The following CAMKMT variants were observed in gnomAD, a reference collection of about 807,000 sequenced individuals.
CAMKMT encodes CaM KMT.
Under a neutral mutation model 48.0 loss-of-function variants are expected in CAMKMT, and 53 were observed. The ratio of observed to expected loss-of-function variants is 1.10; its 90% CI spans 0.89 to 1.39. CAMKMT has a LOEUF of 1.39. CAMKMT is among the 40% of genes most tolerant of loss of function. The pLI, the probability that CAMKMT is intolerant of heterozygous loss-of-function variation, is 0.00. For missense variants in CAMKMT, 428 were observed against 402.7 expected (o/e 1.06, Z -0.54); for synonymous variants, 165 against 152.3 (o/e 1.08, Z -0.61).
intron 3 of CAMKMT, among the ~76,000 whole-genome samples, chr2:44,542,504 C>CAT (rs1396496650): frequency 3.1e-5 from 1 of 32,050 alleles, no homozygotes; most frequent in African/African-American, 7.7e-5. Context: ...CATACACACA[C>CAT]ACACACACAC....
chr2:44,391,350 G>C (rs551357815), intron 3 of CAMKMT, among the ~76,000 whole-genome samples: 1 of 152,046 alleles, frequency 6.6e-6, no homozygotes, highest in Non-Finnish European at 1.5e-5. Flanking sequence ...GATAGTGACT[G>C]ATGTGCCTTT....
intron 3 of CAMKMT, among the ~76,000 whole-genome samples, chr2:44,429,761 A>G (rs1343068274): frequency 7.3e-6 from 1 of 137,534 alleles, no homozygotes; most frequent in Non-Finnish European, 1.5e-5. Context: ...AGATTGCGCC[A>G]CTGCAGTCCG....
intron 3 of CAMKMT, among the ~76,000 whole-genome samples, chr2:44,584,532 C>T (rs1196438622): frequency 1.3e-5 from 2 of 152,162 alleles, no homozygotes; most frequent in Admixed American, 1.3e-4. Context: ...GCTGAACTAA[C>T]AGGTAAAACA....
intron 3 of CAMKMT, among the ~76,000 whole-genome samples, chr2:44,662,747 A>G (rs1244183005): frequency 3.9e-5 from 6 of 152,058 alleles, no homozygotes; most frequent in African/African-American, 1.4e-4. Flanking sequence ...ATTTTTTTGT[A>G]GAGATGGGAT....
intron 3 of CAMKMT, among the ~76,000 whole-genome samples, chr2:44,694,234 A>T (rs1213651459): frequency 6.6e-6 from 1 of 152,254 alleles, no homozygotes; most frequent in Non-Finnish European, 1.5e-5. Flanking sequence ...CAGGTTAATC[A>T]TAGTTGTGCT....
chr2:44,749,350 T>C (rs1680057061), intron 8 of CAMKMT, among the ~76,000 whole-genome samples: 1 of 152,206 alleles, frequency 6.6e-6, no homozygotes, highest in African/African-American at 2.4e-5. Flanking sequence ...GAGTGTGTAC[T>C]ACCCACTTTA....
At position 44,435,638 on chromosome 2, in the gene CAMKMT, A is replaced by T. The variant is rs536111198; in HGVS notation, c.376+45333A>T. ...TAGTGACTTAATCACTATGTTTCTG[A>T]CTTCACAACTTGCTTGACTGTCATG... On this transcript the variant is annotated intron_variant, in intron 3 of 10. Coordinates refer to ENST00000378494, the MANE Select transcript of CAMKMT (RefSeq NM_024766.5). 5.5e-4 allele frequency among the ~76,000 whole-genome samples: 84 copies of T among 152,320 alleles called. 1 individual carries two copies. The Middle Eastern group carries it at 0.017, about 31-fold the overall frequency.
intron 3 of CAMKMT, among the ~76,000 whole-genome samples, chr2:44,517,835 A>G (rs1331787089): frequency 2.0e-5 from 3 of 152,212 alleles, no homozygotes; most frequent in Non-Finnish European, 2.9e-5. Context: ...TTTCACTGAC[A>G]TGAATAATAA....
intron 9 of CAMKMT, among the ~76,000 whole-genome samples, chr2:44,760,218 G>T (rs190653539): frequency 6.6e-6 from 1 of 152,264 alleles, no homozygotes; most frequent in Admixed American, 6.5e-5. Context: ...TTCCCTAGAG[G>T]CAGTGGTGTC....
chr2:44,718,348 A>G (rs1417656388), intron 7 of CAMKMT, among the ~76,000 whole-genome samples: 2 of 152,214 alleles, frequency 1.3e-5, no homozygotes, highest in East Asian at 1.9e-4. Flanking sequence ...AGATCCACAT[A>G]TATGAAGAAT....
intron 3 of CAMKMT, among the ~76,000 whole-genome samples, chr2:44,427,426 C>CACATTTGACAAAAGACAAA (rs1684343988): frequency 6.6e-6 from 1 of 151,970 alleles, no homozygotes; most frequent in Non-Finnish European, 1.5e-5. Flanking sequence ...GACTAGTATC[C>CACATTTGACAAAAGACAAA]AGAATCTATA....
chr2:44,417,249 G>T (rs1558596111), intron 3 of CAMKMT, among the ~76,000 whole-genome samples: 1 of 152,036 alleles, frequency 6.6e-6, no homozygotes, highest in Non-Finnish European at 1.5e-5. Context: ...AAAAAAATTA[G>T]CTGGGCGTGG....
At chr2:44,702,375 C>G (rs1212549506) in intron 3 of CAMKMT, among the ~76,000 whole-genome samples, 1 of 152,188 alleles carries the variant, frequency 6.6e-6, no homozygotes, top group African/African-American at 2.4e-5. Context: ...CTCTTCCACT[C>G]TTCCATCCCT....
At chr2:44,589,895 AGAAAAAAAAAAAAGAACG>A (rs1670151991) in intron 3 of CAMKMT, among the ~76,000 whole-genome samples, 1 of 81,984 alleles carries the variant, frequency 1.2e-5, no homozygotes, top group South Asian at 3.8e-4. Context: ...AAAAAAAAAA[AGAAAAAAAAAAAAGAACG>A]AAAAAAAAAA....
Position 44,443,747 on chromosome 2 carries a change from T to C in CAMKMT, c.376+53442T>C, listed in dbSNP as rs181085441. Reference sequence around the variant, plus strand: ...TAAATTAGACTATGGGGTGTGCTTATCTTGCTGCAATGATACTGAATTGTA... The same window carrying C: ...TAAATTAGACTATGGGGTGTGCTTACCTTGCTGCAATGATACTGAATTGTA... On this transcript the variant is annotated intron_variant, in intron 3 of 10. Transcript: ENST00000378494. Among the ~76,000 whole-genome samples, 36 of 152,302 alleles carry C rather than the reference T, an allele frequency of 2.4e-4. No individual in the cohort carries two copies. In the East Asian group the frequency reaches 6.9e-3, roughly 29 times the overall value.
intron 3 of CAMKMT, among the ~76,000 whole-genome samples, chr2:44,409,067 T>G: frequency 7.2e-6 from 1 of 138,678 alleles, no homozygotes; most frequent in Admixed American, 7.7e-5. Context: ...AATTTTTAGT[T>G]GTTATTTCAG....
intron 3 of CAMKMT, 59 bp from the exon 4 acceptor site, chr2:44,704,224 G>GC (rs1203340583): frequency 1.4e-6 from 2 of 1,381,420 alleles, no homozygotes; most frequent in East Asian, 4.6e-5. Flanking sequence ...ATTTTTAAAA[G>GC]CCGTTTCTTA....
At chr2:44,722,126 T>C (rs1406914317) in intron 7 of CAMKMT, among the ~76,000 whole-genome samples, 1 of 152,138 alleles carries the variant, frequency 6.6e-6, no homozygotes, top group Non-Finnish European at 1.5e-5. Flanking sequence ...GACCACACTT[T>C]ATCCACTCAT....
intron 3 of CAMKMT, among the ~76,000 whole-genome samples, chr2:44,682,871 G>A (rs961209741): frequency 6.6e-6 from 1 of 152,190 alleles, no homozygotes; most frequent in Non-Finnish European, 1.5e-5. Flanking sequence ...TGATTGGAAT[G>A]CTGGTAATCA....
Sources: gnomAD v4.1 joint callset for allele counts (sites outside exome capture counted in the v4.1 genomes callset) on GRCh38, gnomAD v4.1.1 for gene constraint, MANE v1.5 for transcripts, NCBI Gene and HGNC (gene_info 2026-07-23, HGNC 2026-07-21) for gene names.